The following CTXND1 variants were observed in gnomAD, a reference collection of about 807,000 sequenced individuals.
CTXND1 encodes cortexin domain-containing 1 protein.
rs140916203 is a variant in CTXND1, at chr15:80,224,940, C to T, written c.-217-21200G>A. 5.1e-3 allele frequency among the ~76,000 whole-genome samples: 778 copies of T among 152,328 alleles called. 10 individuals carry two copies. Among genetic ancestry groups the T allele is most frequent in the African/African-American group, 0.018 (743 of 41,584 alleles). On this transcript the variant is annotated intron_variant, in intron 1 of 2. Coordinates refer to ENST00000560778, the MANE Select transcript of CTXND1 (RefSeq NM_001352888.2). ...TGTATTTTCAGTAAAGACCAGGTTTCGCCATGTTGGCCAGGCTGGTCTCAA... is the reference window on the plus strand; with the variant it reads ...TGTATTTTCAGTAAAGACCAGGTTTTGCCATGTTGGCCAGGCTGGTCTCAA...
intron 1 of CTXND1, among the ~76,000 whole-genome samples, chr15:80,210,390 C>T (rs962836574): frequency 6.6e-6 from 1 of 152,150 alleles, no homozygotes; most frequent in Admixed American, 6.5e-5. Flanking sequence ...TTATTTAAAC[C>T]ACAGTAAGCC....
At chr15:80,203,038 C>T (rs1205287149) in intron 2 of CTXND1, among the ~76,000 whole-genome samples, 6 of 152,330 alleles carry the variant, frequency 3.9e-5, no homozygotes, top group South Asian at 2.1e-4. Flanking sequence ...AGGGATGTGA[C>T]GACCAAATGC....
At chr15:80,243,878 C>T (rs1893599166) in intron 1 of CTXND1, among the ~76,000 whole-genome samples, 1 of 152,204 alleles carries the variant, frequency 6.6e-6, no homozygotes, top group African/African-American at 2.4e-5. Context: ...CATGGAAGAG[C>T]ATTTTGAATA....
At chr15:80,241,142 A>G (rs1354304458) in intron 1 of CTXND1, among the ~76,000 whole-genome samples, 1 of 152,212 alleles carries the variant, frequency 6.6e-6, no homozygotes, top group Non-Finnish European at 1.5e-5. Flanking sequence ...ACCGGCCAAC[A>G]AGAGCTAAGC....
intron 2 of CTXND1, among the ~76,000 whole-genome samples, chr15:80,202,763 A>G (rs1418761125): frequency 6.6e-6 from 1 of 152,242 alleles, no homozygotes; most frequent in Non-Finnish European, 1.5e-5. Context: ...AGGTCCTCAC[A>G]GGGACTCTCT....
At chr15:80,219,781 G>A (rs892317475) in intron 1 of CTXND1, among the ~76,000 whole-genome samples, 15 of 152,290 alleles carry the variant, frequency 9.8e-5, no homozygotes, top group Non-Finnish European at 7.4e-5. Flanking sequence ...TTCTAATGAT[G>A]TGGTGCATCT....
At chr15:80,244,046 C>T (rs1043128778) in intron 1 of CTXND1, among the ~76,000 whole-genome samples, 1 of 152,238 alleles carries the variant, frequency 6.6e-6, no homozygotes, top group African/African-American at 2.4e-5. Flanking sequence ...CCTCCATCTC[C>T]TGCATCTCTG....
chr15:80,214,263 GAACATTTAAAGAT>G (rs200555879), intron 1 of CTXND1, among the ~76,000 whole-genome samples: 1,951 of 151,968 alleles, frequency 0.013, 15 homozygotes, highest in Middle Eastern at 0.027. Context: ...ATATGTGTTT[GAACATTTAAAGAT>G]AACATTTAAA....
chr15:80,226,389 T>A (rs1893371771), intron 1 of CTXND1, among the ~76,000 whole-genome samples: 1 of 152,118 alleles, frequency 6.6e-6, no homozygotes, highest in Admixed American at 6.5e-5. Flanking sequence ...TAAAAAAAAA[T>A]TAGGACATGT....
At chr15:80,214,644 T>C (rs972227224) in intron 1 of CTXND1, among the ~76,000 whole-genome samples, 3 of 152,184 alleles carry the variant, frequency 2.0e-5, no homozygotes, top group African/African-American at 7.2e-5. Flanking sequence ...AGCTGTTTAC[T>C]ACACTTAGGG....
At chr15:80,240,309 G>A (rs1298602895) in intron 1 of CTXND1, among the ~76,000 whole-genome samples, 1 of 152,104 alleles carries the variant, frequency 6.6e-6, no homozygotes, top group African/African-American at 2.4e-5. Context: ...ATAAACCTTA[G>A]GACCCATAAA....
chr15:80,214,459 C>A (rs907613288), intron 1 of CTXND1, among the ~76,000 whole-genome samples: 1 of 152,040 alleles, frequency 6.6e-6, no homozygotes, highest in Non-Finnish European at 1.5e-5. Context: ...CTGCAGACTG[C>A]ATTTTTGACC....
intron 1 of CTXND1, among the ~76,000 whole-genome samples, chr15:80,216,435 G>C (rs910795273): frequency 2.0e-5 from 3 of 152,126 alleles, no homozygotes; most frequent in Non-Finnish European, 2.9e-5. Context: ...TGAGATGTTC[G>C]CATTTCCTTC....
chr15:80,220,912 ATT>A (rs68162303), intron 1 of CTXND1, among the ~76,000 whole-genome samples: 11 of 141,606 alleles, frequency 7.8e-5, no homozygotes, highest in Non-Finnish European at 7.8e-5. Flanking sequence ...TATTATTATT[ATT>A]TTTTTTTTTT....
intron 1 of CTXND1, among the ~76,000 whole-genome samples, chr15:80,242,592 G>A (rs1173975097): frequency 3.3e-5 from 5 of 152,346 alleles, no homozygotes; most frequent in Non-Finnish European, 4.4e-5. Context: ...GTCACAACAC[G>A]GGGCCCTCTG....
At chr15:80,233,794 G>C (rs1284982898) in intron 1 of CTXND1, among the ~76,000 whole-genome samples, 2 of 152,328 alleles carry the variant, frequency 1.3e-5, no homozygotes, top group African/African-American at 4.8e-5. Flanking sequence ...CCCCTCAAAG[G>C]CAGGCAGCTG....
chr15:80,241,513 C>G (rs922197576), intron 1 of CTXND1, among the ~76,000 whole-genome samples: 1 of 152,180 alleles, frequency 6.6e-6, no homozygotes, highest in African/African-American at 2.4e-5. Flanking sequence ...TCTGATGCCT[C>G]TTGGCATCAG....
chr15:80,204,374 G>A (rs539580635), intron 1 of CTXND1, among the ~76,000 whole-genome samples: 2 of 150,700 alleles, frequency 1.3e-5, no homozygotes, highest in South Asian at 4.2e-4. Context: ...AGCCATTGCT[G>A]CCATCCATCT....
intron 1 of CTXND1, among the ~76,000 whole-genome samples, chr15:80,229,083 A>G (rs1405603222): frequency 6.6e-6 from 1 of 152,120 alleles, no homozygotes; most frequent in Non-Finnish European, 1.5e-5. Flanking sequence ...CAGGTAAAGG[A>G]CACTCAACCT....
Sources: gnomAD v4.1 joint callset for allele counts (sites outside exome capture counted in the v4.1 genomes callset) on GRCh38, gnomAD v4.1.1 for gene constraint, MANE v1.5 for transcripts, NCBI Gene and HGNC (gene_info 2026-07-23, HGNC 2026-07-21) for gene names.